PTPRQ: variants seen among roughly 807,000 people sequenced by gnomAD.
PTPRQ encodes protein tyrosine phosphatase receptor type Q, also known as phosphatidylinositol phosphatase PTPRQ.
In PTPRQ, 199 loss-of-function variants were observed where a neutral mutation model predicts 246.0. The ratio of observed to expected loss-of-function variants is 0.81; its 90% CI spans 0.72 to 0.91. PTPRQ has a LOEUF of 0.91. Among genes scored for constraint, PTPRQ ranks in the 40% least tolerant of loss-of-function variants. The probability of loss-of-function intolerance (pLI) is 0.00; values close to 1 mark genes in which losing one functional copy is unlikely to be tolerated. For missense variants in PTPRQ, 2,624 were observed against 2,528.4 expected, an observed-to-expected ratio of 1.04 and a Z score of -0.81; for synonymous variants, 869 against 853.2, an observed-to-expected ratio of 1.02 and a Z score of -0.32.
chr12:80,602,394 G>A (rs1262757593), intron 26 of PTPRQ, among the ~76,000 whole-genome samples: 1 of 151,736 alleles, frequency 6.6e-6, no homozygotes, highest in Non-Finnish European at 1.5e-5. Context: ...CTCTTAGTCT[G>A]TTTTGTGTTG....
chr12:80,574,587 A>ATTC (rs1365872314), intron 25 of PTPRQ, among the ~76,000 whole-genome samples: 1 of 151,848 alleles, frequency 6.6e-6, no homozygotes, highest in Non-Finnish European at 1.5e-5. Context: ...TTGTATTATT[A>ATTC]TTTTTCGTGG....
chr12:80,639,460 A>ATT (rs1899778274), intron 35 of PTPRQ, among the ~76,000 whole-genome samples: 4 of 152,130 alleles, frequency 2.6e-5, no homozygotes. Flanking sequence ...AGTTGAGTGA[A>ATT]TGTAATGGCA....
Position 80,534,146 on chromosome 12 carries a change from A to G in PTPRQ, c.2810A>G (p.Asn937Ser). The G allele has an allele frequency of 1.3e-6, 2 of 1,542,360 alleles. No homozygotes were observed. The highest frequency in any genetic ancestry group is 1.4e-5 in the African/African-American group (1 of 72,712). Residue 937 changes from asparagine (N) to serine (S), a missense_variant, in exon 18 of 45, where the codon AAT becomes AGT. Coordinates refer to ENST00000644991, the MANE Select transcript of PTPRQ (RefSeq NM_001145026.2). Reference protein sequence around the residue: ...TRFGDGKTRSNIISFQTPEGA... With the variant: ...TRFGDGKTRSSIISFQTPEGA... ...TTTGGTGATGGGAAAACAAGAAGCA[A>G]TATCATTAGCTTTCAAACACCAGAG...
intron 33 of PTPRQ, among the ~76,000 whole-genome samples, chr12:80,629,175 G>C (rs576706282): frequency 0.05 from 7,508 of 149,966 alleles, 231 homozygotes; most frequent in Middle Eastern, 0.078. Flanking sequence ...CACACACACA[G>C]AGAGAGAGAA....
Position 80,458,557 on chromosome 12 carries a change from C to T in PTPRQ, c.461-727C>T, listed in dbSNP as rs561840390. Among the ~76,000 whole-genome samples, 100 of 151,354 alleles carry T rather than the reference C, an allele frequency of 6.6e-4. 2 individuals are homozygous for T. In the Middle Eastern group the frequency reaches 0.01, roughly 16 times the overall value. On this transcript the variant is annotated intron_variant, in intron 4 of 44. Transcript: ENST00000644991. Reference sequence around the variant, plus strand: ...TCACTTATTTTTTTTTTATCTCAGACGTTTTGTTTCATTTTGATTTCTTTC... The same window carrying T: ...TCACTTATTTTTTTTTTATCTCAGATGTTTTGTTTCATTTTGATTTCTTTC...
intron 35 of PTPRQ, among the ~76,000 whole-genome samples, chr12:80,641,829 T>TA (rs1419066639): frequency 6.6e-6 from 1 of 151,954 alleles, no homozygotes; most frequent in Non-Finnish European, 1.5e-5. Flanking sequence ...ATCCTTTTCC[T>TA]ATTCTTTTTC....
intron 6 of PTPRQ, among the ~76,000 whole-genome samples, chr12:80,463,553 G>A (rs1893281606): frequency 6.6e-6 from 1 of 152,006 alleles, no homozygotes; most frequent in Non-Finnish European, 1.5e-5. Flanking sequence ...GCAACTCTAA[G>A]ACACATAATT....
chr12:80,521,702 G>T (rs1380478735), intron 17 of PTPRQ, among the ~76,000 whole-genome samples: 1 of 152,082 alleles, frequency 6.6e-6, no homozygotes, highest in East Asian at 1.9e-4. Context: ...TGAGGGCTCT[G>T]TTCTGTTCCA....
chr12:80,673,350 C>T (rs1172648723), intron 43 of PTPRQ, 46 bp downstream of exon 43: 1 of 1,522,312 alleles, frequency 6.6e-7, no homozygotes, highest in African/African-American at 1.4e-5. Flanking sequence ...CTAGAATTTC[C>T]ACATGGGAGA....
In PTPRQ at chr12:80,510,363, G is replaced by T; in HGVS notation, c.2598G>T (p.Leu866Phe). The change falls in exon 17 of 45, where the codon TTG (leucine) becomes TTT (phenylalanine). Residue 866 changes from leucine to phenylalanine, a missense_variant. By Grantham distance (22) the Leu-to-Phe change is conservative. Transcript: ENST00000644991. ...CTCAAGACTTCTCTGTAAAACAGTTGTCTGGTGTCACGGTGAAGTTGTCAT... is the reference window on the plus strand; with the variant it reads ...CTCAAGACTTCTCTGTAAAACAGTTTTCTGGTGTCACGGTGAAGTTGTCAT... ...SPPQDFSVKQ[L>F]SGVTVKLSWQ... is the part of the protein sequence containing the mutation. 1.3e-6 allele frequency: 2 copies of T among 1,550,062 alleles called. No homozygotes were observed. Among genetic ancestry groups the T allele is most frequent in the Non-Finnish European group, 1.7e-6 (2 of 1,145,992 alleles).
Position 80,496,321 on chromosome 12 carries a change from C to G in PTPRQ, c.2062C>G (p.Pro688Ala). The stretch of plus-strand genomic sequence containing the variant: ...AGATGAAATAAGGTTGAAGTGGTCA[C>G]CACCCGAAAAGCCCAATGGGATCAT... ...TADEIRLKWS[P>A]PEKPNGIIIA... The change falls in exon 14 of 45, where the codon CCA becomes GCA. Residue 688 changes from proline (P) to alanine (A), a missense_variant. Pro to Ala is a conservative substitution (Grantham distance 27). Coordinates refer to ENST00000644991, the MANE Select transcript of PTPRQ (RefSeq NM_001145026.2). The G allele has an allele frequency of 6.4e-7, 1 of 1,550,696 alleles. No homozygotes were observed. The highest frequency in any genetic ancestry group is 8.7e-7 in the Non-Finnish European group (1 of 1,146,446).
Position 80,534,933 on chromosome 12 carries a change from A to G in PTPRQ, c.2881A>G (p.Ser961Gly). The G allele has an allele frequency of 6.5e-7, 1 of 1,550,314 alleles. No homozygotes were observed. The highest frequency in any genetic ancestry group is 1.2e-5 in the South Asian group (1 of 83,816). ...CAAAGATGTTTATTATGCAAACCTC[A>G]GTTCTTCATCAATAATTCTTTTCTG... is the stretch of plus-strand genomic sequence containing the variant. ...PPKDVYYANL[S>G]SSSIILFWTP... The change falls in exon 19 of 45, where the codon AGT (serine) becomes GGT (glycine). Residue 961 changes from serine (S) to glycine (G), a missense_variant. Physicochemically the swap from Ser to Gly is moderately conservative, Grantham distance 56 (BLOSUM62 0). Coordinates refer to ENST00000644991, the MANE Select transcript of PTPRQ (RefSeq NM_001145026.2).
chr12:80,667,124 G>A (rs1318438014), intron 39 of PTPRQ, among the ~76,000 whole-genome samples: 1 of 151,890 alleles, frequency 6.6e-6, no homozygotes, highest in African/African-American at 2.4e-5. Flanking sequence ...GCCATTATCT[G>A]TTACTCTTCC....
chr12:80,675,217 G>C (rs1416176337), intron 43 of PTPRQ, among the ~76,000 whole-genome samples: 1 of 152,080 alleles, frequency 6.6e-6, no homozygotes, highest in Non-Finnish European at 1.5e-5. Flanking sequence ...CCCTGAAATT[G>C]GTTTAATGTT....
At chr12:80,528,027 G>A (rs1162848439) in intron 17 of PTPRQ, among the ~76,000 whole-genome samples, 3 of 152,074 alleles carry the variant, frequency 2.0e-5, no homozygotes, top group African/African-American at 7.2e-5. Flanking sequence ...GGCCATCGAC[G>A]CTGCAGTGAG....
At chr12:80,667,382 A>G (rs888070726) in intron 39 of PTPRQ, among the ~76,000 whole-genome samples, 16 of 151,952 alleles carry the variant, frequency 1.1e-4, no homozygotes, top group Non-Finnish European at 2.2e-4. Flanking sequence ...AATACCGCAT[A>G]TTCTCATGAA....
intron 25 of PTPRQ, among the ~76,000 whole-genome samples, chr12:80,562,583 A>G (rs1896859326): frequency 6.6e-6 from 1 of 152,212 alleles, no homozygotes; most frequent in Non-Finnish European, 1.5e-5. Context: ...GCTAAAATAT[A>G]TTGAATTGAA....
intron 39 of PTPRQ, among the ~76,000 whole-genome samples, chr12:80,665,216 A>C (rs1208979038): frequency 6.6e-6 from 1 of 152,058 alleles, no homozygotes; most frequent in Non-Finnish European, 1.5e-5. Context: ...GTTCTAGGGC[A>C]GGAAGCATCC....
Position 80,539,758 on chromosome 12 carries a change from A to G in PTPRQ, c.2986-18A>G. The stretch of plus-strand genomic sequence containing the variant: ...CTAAAAAAATACATTCTGAACAATG[A>G]ATGTGTTTATTTTTCAGAATTTTAC... On this transcript the variant is annotated intron_variant, in intron 19 of 44. Coordinates refer to ENST00000644991, the MANE Select transcript of PTPRQ (RefSeq NM_001145026.2). The G allele has an allele frequency of 6.6e-7, 1 of 1,516,002 alleles. No homozygotes were observed. Among genetic ancestry groups the G allele is most frequent in the Non-Finnish European group, 8.8e-7 (1 of 1,133,452 alleles). The allele number at this position is 1,516,002 out of a possible 1,614,324, so 93.9% of individuals were successfully genotyped here. A position where few individuals can be genotyped will look rare whatever the true frequency, so the allele number is the denominator to read the frequency against.
Sources: gnomAD v4.1 joint callset for allele counts (sites outside exome capture counted in the v4.1 genomes callset) on GRCh38, gnomAD v4.1.1 for gene constraint, MANE v1.5 for transcripts, NCBI Gene and HGNC (gene_info 2026-07-23, HGNC 2026-07-21) for gene names.